The following FOXP1 variants were observed in gnomAD, a reference collection of about 807,000 sequenced individuals.
FOXP1 encodes forkhead box P1.
In FOXP1, 15 loss-of-function variants were observed where a neutral mutation model predicts 98.2. The observed-to-expected ratio is 0.15, with a 90% confidence interval of 0.10 to 0.24. The LOEUF (loss-of-function observed/expected upper bound fraction) is 0.24. Ranked by LOEUF, FOXP1 falls within the 10% of genes least tolerant of loss-of-function variation. The pLI is 1.00. For synonymous variants in FOXP1, 371 were observed against 314.5 expected (o/e 1.18, Z -1.90); for missense variants, 633 against 848.5 (o/e 0.75, Z 3.15).
intron 3 of FOXP1, among the ~76,000 whole-genome samples, chr3:71,391,869 G>A (rs1437532479): frequency 1.3e-5 from 2 of 152,178 alleles, no homozygotes; most frequent in African/African-American, 4.8e-5. Flanking sequence ...CCTCATGTTG[G>A]ATCAGGACAC....
At chr3:71,513,901 G>C (rs1275856035) in intron 2 of FOXP1, among the ~76,000 whole-genome samples, 1 of 152,194 alleles carries the variant, frequency 6.6e-6, no homozygotes, top group African/African-American at 2.4e-5. Flanking sequence ...TTCAGAGCTT[G>C]CCAGCTCCCC....
At chr3:71,043,723 G>C (rs1053081361) in intron 10 of FOXP1, among the ~76,000 whole-genome samples, 4 of 152,168 alleles carry the variant, frequency 2.6e-5, no homozygotes, top group Non-Finnish European at 1.5e-5. Context: ...GGGAAGACTA[G>C]GACAGGGTCC....
At chr3:70,972,291 A>G (rs2036436065) in intron 18 of FOXP1, 1 of 1,051,342 alleles carries the variant, frequency 9.5e-7, no homozygotes, top group Non-Finnish European at 1.3e-6. Context: ...AAAATGCAAT[A>G]AGCATAAGCA....
chr3:71,224,277 G>A (rs2065653678), intron 5 of FOXP1, among the ~76,000 whole-genome samples: 1 of 152,116 alleles, frequency 6.6e-6, no homozygotes, highest in African/African-American at 2.4e-5. Context: ...CTGCATACAG[G>A]GACTCAGCAT....
intron 5 of FOXP1, among the ~76,000 whole-genome samples, chr3:71,255,604 T>G (rs941289742): frequency 6.6e-6 from 1 of 152,174 alleles, no homozygotes; most frequent in African/African-American, 2.4e-5. Flanking sequence ...AGTGGGGAGA[T>G]GCTTCCAGGG....
intron 7 of FOXP1, among the ~76,000 whole-genome samples, chr3:71,086,758 A>G (rs765957624): frequency 7.5e-4 from 114 of 152,144 alleles, no homozygotes; most frequent in Non-Finnish European, 7.6e-4. Context: ...CAGAAAACCA[A>G]TTTATGTAAA....
intron 4 of FOXP1, among the ~76,000 whole-genome samples, chr3:71,328,429 T>C (rs896071609): frequency 6.6e-6 from 1 of 152,204 alleles, no homozygotes; most frequent in Non-Finnish European, 1.5e-5. Context: ...GCCATCAAAA[T>C]ATCATTGCTT....
At chr3:71,256,498 C>T (rs543389254) in intron 5 of FOXP1, among the ~76,000 whole-genome samples, 75 of 152,290 alleles carry the variant, frequency 4.9e-4, no homozygotes, top group Middle Eastern at 3.4e-3. Context: ...ATTCTCCTGC[C>T]GCAGCCTCCC....
chr3:71,355,606 G>A (rs116484684), intron 4 of FOXP1, among the ~76,000 whole-genome samples: 1,997 of 152,134 alleles, frequency 0.013, 51 homozygotes, highest in African/African-American at 0.046. Context: ...GAAACCACGC[G>A]GCAAAAGCTC....
At chr3:71,415,431 T>G (rs1560453569) in intron 3 of FOXP1, among the ~76,000 whole-genome samples, 1 of 152,232 alleles carries the variant, frequency 6.6e-6, no homozygotes, top group Admixed American at 6.5e-5. Context: ...AAAAACATGT[T>G]TTTTGAACCT....
chr3:71,336,345 G>A (rs887077180), intron 4 of FOXP1, among the ~76,000 whole-genome samples: 4 of 152,106 alleles, frequency 2.6e-5, no homozygotes, highest in Non-Finnish European at 5.9e-5. Flanking sequence ...TGCCATGGTG[G>A]TTTGCTGCAC....
At chr3:71,181,324 A>G (rs2062277968) in intron 6 of FOXP1, among the ~76,000 whole-genome samples, 2 of 152,372 alleles carry the variant, frequency 1.3e-5, no homozygotes, top group East Asian at 1.9e-4. Context: ...AGAAAGGACA[A>G]TAATAAAGTA....
chr3:71,383,495 C>T (rs1228338692), intron 3 of FOXP1, among the ~76,000 whole-genome samples: 1 of 151,966 alleles, frequency 6.6e-6, no homozygotes, highest in African/African-American at 2.4e-5. Flanking sequence ...TTTGAATCAA[C>T]CTATTTGATT....
At chr3:71,496,924 TA>T (rs2091457317) in intron 2 of FOXP1, among the ~76,000 whole-genome samples, 1 of 151,432 alleles carries the variant, frequency 6.6e-6, no homozygotes, top group Non-Finnish European at 1.5e-5. Flanking sequence ...CAGGCATATC[TA>T]AAAATAAAGG....
At chr3:71,368,392 G>T (rs1391810751) in intron 3 of FOXP1, among the ~76,000 whole-genome samples, 2 of 152,178 alleles carry the variant, frequency 1.3e-5, no homozygotes, top group African/African-American at 4.8e-5. Flanking sequence ...CTCCCAAAGT[G>T]CTGGGATTAC....
In FOXP1 at chr3:71,354,355, C is replaced by A. The variant is rs1473606583; in HGVS notation, c.-73+4795G>T. 2.6e-5 allele frequency among the ~76,000 whole-genome samples: 4 copies of A among 152,108 alleles called. No individual in the cohort carries two copies. In the South Asian group the frequency reaches 6.2e-4, roughly 24 times the overall value. ...TCTATTGCAAGGCAGGAGATCAAAC[C>A]AGCTCTGATTAACTTAAAGGCAAAA... On this transcript the variant is annotated intron_variant, in intron 4 of 20. Coordinates refer to ENST00000649528, the MANE Select transcript of FOXP1 (RefSeq NM_001349338.3).
chr3:71,162,108 A>C (rs62256869), intron 6 of FOXP1, among the ~76,000 whole-genome samples: 1,693 of 152,362 alleles, frequency 0.011, 19 homozygotes, highest in Non-Finnish European at 0.016. Flanking sequence ...GTAGACACCA[A>C]GCATACAGCC....
At chr3:71,542,924 T>G (rs2044990319) in intron 2 of FOXP1, among the ~76,000 whole-genome samples, 1 of 152,186 alleles carries the variant, frequency 6.6e-6, no homozygotes, top group African/African-American at 2.4e-5. Context: ...ATCCTCAAAC[T>G]GCAGCTTCGC....
In FOXP1 at chr3:71,067,731, TACACACAC is replaced by T. The variant is rs6147878; in HGVS notation, c.283-13966_283-13959del. ...CACAGTGGGACTCCGTCTCCAAAAA[TACACACAC>T]ACACACACACACACACACACACACA... is the stretch of plus-strand genomic sequence containing the variant. On this transcript the variant is annotated intron_variant, in intron 7 of 20. Coordinates refer to ENST00000649528, the MANE Select transcript of FOXP1 (RefSeq NM_001349338.3). 6.0e-3 allele frequency among the ~76,000 whole-genome samples: 758 copies of T among 126,608 alleles called. 6 individuals carry two copies. The highest frequency in any genetic ancestry group is 0.021 in the African/African-American group (721 of 33,690). 83.1% of individuals were successfully genotyped at this position (126,608 alleles called of 152,430 possible).
Sources: allele counts gnomAD v4.1 joint callset (sites outside exome capture counted in the v4.1 genomes callset), GRCh38; gene constraint gnomAD v4.1.1; transcripts MANE v1.5; gene names NCBI Gene and HGNC (gene_info 2026-07-23, HGNC 2026-07-21).